CNKSR2: variants seen among roughly 807,000 people sequenced by gnomAD.
The protein encoded by CNKSR2 is connector enhancer of kinase suppressor of Ras 2, also known as CNK homolog protein 2.
A neutral mutation model predicts 84.4 loss-of-function variants in CNKSR2; 14 were observed. That is an observed-to-expected ratio of 0.17 (90% CI 0.11 to 0.26). The LOEUF (loss-of-function observed/expected upper bound fraction) is 0.26. CNKSR2 is among the 10% of genes least tolerant of loss of function. The pLI is 1.00. For synonymous variants in CNKSR2, 275 were observed against 277.9 expected, an observed-to-expected ratio of 0.99 and a Z score of 0.10; for missense variants, 485 against 771.2, an observed-to-expected ratio of 0.63 and a Z score of 4.40.
chrX:21,403,502 T>G (rs2146992430), intron 1 of CNKSR2, among the ~76,000 whole-genome samples: 1 of 111,683 alleles, frequency 9.0e-6, no homozygotes, highest in African/African-American at 3.2e-5. Context: ...GAAAGTATGT[T>G]AAATTCTACT....
At chrX:21,375,411 T>G (rs755253430) in intron 1 of CNKSR2, among the ~76,000 whole-genome samples, 1 of 112,152 alleles carries the variant, frequency 8.9e-6, no homozygotes, top group South Asian at 3.7e-4. Flanking sequence ...GCCAGGTGCC[T>G]TCCCCAGCGC....
rs188206821 is a variant in CNKSR2 at position 21,393,943 on chromosome X, T to G, written c.64+18982T>G. On this transcript the variant is annotated intron_variant, in intron 1 of 21. Transcript: ENST00000379510. ...TAGATTTCATACAGATGAATAAAAT[T>G]AAAGGGACAAATACTAGTAGGAAGC... Among the ~76,000 whole-genome samples, 15 of 112,140 alleles carry G rather than the reference T, an allele frequency of 1.3e-4. No homozygotes were observed. The East Asian group carries it at 2.5e-3, about 19-fold the overall frequency.
intron 11 of CNKSR2, among the ~76,000 whole-genome samples, chrX:21,558,532 A>G (rs1361090210): frequency 9.2e-6 from 1 of 108,269 alleles, no homozygotes; most frequent in African/African-American, 3.3e-5. Context: ...GTGTATTAGT[A>G]ATATACAGTA....
chrX:21,403,933 A>G (rs894156614), intron 1 of CNKSR2, among the ~76,000 whole-genome samples: 1 of 112,229 alleles, frequency 8.9e-6, no homozygotes, highest in Non-Finnish European at 1.9e-5. Context: ...AGTACATTTT[A>G]AGTAACTACT....
At chrX:21,570,316 T>G (rs931299071) in intron 13 of CNKSR2, among the ~76,000 whole-genome samples, 2 of 112,812 alleles carry the variant, frequency 1.8e-5, no homozygotes, top group Non-Finnish European at 3.7e-5. Flanking sequence ...ACCTTGCACT[T>G]TTTTTGTTAT....
chrX:21,473,031 A>G (rs975155373), intron 5 of CNKSR2, among the ~76,000 whole-genome samples: 1 of 111,698 alleles, frequency 9.0e-6, no homozygotes, highest in Non-Finnish European at 1.9e-5. Context: ...TAAATTCCTA[A>G]TAATTGACTC....
intron 1 of CNKSR2, among the ~76,000 whole-genome samples, chrX:21,414,642 A>G (rs1174115409): frequency 8.9e-6 from 1 of 111,741 alleles, no homozygotes; most frequent in Non-Finnish European, 1.9e-5. Context: ...TGCCAAGACC[A>G]GTGTCCTGGA....
chrX:21,512,645 G>A (rs1343569056), intron 8 of CNKSR2, among the ~76,000 whole-genome samples: 3 of 111,465 alleles, frequency 2.7e-5, no homozygotes, highest in African/African-American at 9.8e-5. Context: ...GCAGTGAGAA[G>A]AGGCATTAGT....
chrX:21,549,561 A>G, intron 11 of CNKSR2, among the ~76,000 whole-genome samples: 1 of 112,176 alleles, frequency 8.9e-6, no homozygotes. Context: ...TTAGAAAAAA[A>G]CTACTTTAGA....
intron 8 of CNKSR2, among the ~76,000 whole-genome samples, chrX:21,515,053 C>A (rs1361247855): frequency 9.1e-6 from 1 of 110,052 alleles, no homozygotes. Context: ...AAAAAAAAAA[C>A]TGGCAGTCTC....
chrX:21,485,197 A>G (rs1016628153), intron 5 of CNKSR2, among the ~76,000 whole-genome samples: 1 of 111,561 alleles, frequency 9.0e-6, no homozygotes, highest in African/African-American at 3.3e-5. Context: ...AATAATAATA[A>G]TAACAATAGT....
intron 1 of CNKSR2, among the ~76,000 whole-genome samples, chrX:21,383,512 A>G (rs2089927368): frequency 8.9e-6 from 1 of 112,336 alleles, no homozygotes; most frequent in Non-Finnish European, 1.9e-5. Flanking sequence ...CATGATAAAA[A>G]TATTGTTACA....
intron 8 of CNKSR2, 27 bp from the exon 9 acceptor site, chrX:21,516,458 T>C (rs1452439671): frequency 8.4e-7 from 1 of 1,196,832 alleles, no homozygotes; most frequent in Admixed American, 2.3e-5. Context: ...ACCTCAATTT[T>C]ATTGTAATGA....
At chrX:21,430,442 A>G (rs2090620287) in intron 2 of CNKSR2, among the ~76,000 whole-genome samples, 1 of 111,666 alleles carries the variant, frequency 9.0e-6, no homozygotes, top group African/African-American at 3.2e-5. Flanking sequence ...ATTTAAAATA[A>G]TCTTTTATGG....
At chrX:21,429,927 A>C (rs1211240599) in intron 2 of CNKSR2, among the ~76,000 whole-genome samples, 1 of 111,903 alleles carries the variant, frequency 8.9e-6, no homozygotes, top group Non-Finnish European at 1.9e-5. Flanking sequence ...AATTTTAAAA[A>C]TTAAAAAGTT....
At chrX:21,441,442 G>A (rs897016228) in intron 4 of CNKSR2, 14 of 110,727 alleles carry the variant, frequency 1.3e-4, no homozygotes, top group Non-Finnish European at 2.7e-4. Flanking sequence ...GAAACTATGG[G>A]TGATTTTATT....
intron 1 of CNKSR2, among the ~76,000 whole-genome samples, chrX:21,400,440 A>G (rs1321481297): frequency 9.0e-6 from 1 of 111,187 alleles, no homozygotes; most frequent in Non-Finnish European, 1.9e-5. Flanking sequence ...ATATTTTATT[A>G]GGACTTAGCA....
chrX:21,621,559 A>G (rs1481156646), intron 20 of CNKSR2, among the ~76,000 whole-genome samples: 1 of 111,521 alleles, frequency 9.0e-6, no homozygotes, highest in Non-Finnish European at 1.9e-5. Context: ...AAAACATTTT[A>G]AGGAAGAAAA....
In CNKSR2 at chrX:21,374,787, C is replaced by T; in HGVS notation, c.-111C>T. 1 of 675,832 alleles carries T rather than the reference C, an allele frequency of 1.5e-6. No homozygotes were observed. The highest frequency in any genetic ancestry group is 2.2e-5 in the South Asian group (1 of 44,805). The allele number at this position is 675,832 out of a possible 1,213,427, so 55.7% of individuals were successfully genotyped here. Reference sequence around the variant, plus strand: ...CACAAAAGCCGCTTTCTCCGCGCCGCCCGCCCAGGGAGGCTGCGGCCAGCA... The same window carrying T: ...CACAAAAGCCGCTTTCTCCGCGCCGTCCGCCCAGGGAGGCTGCGGCCAGCA... On this transcript the variant is annotated 5_prime_UTR_variant, in exon 1 of 22. Transcript: ENST00000379510.
Sources: gnomAD v4.1 joint callset for allele counts (sites outside exome capture counted in the v4.1 genomes callset) on GRCh38, gnomAD v4.1.1 for gene constraint, MANE v1.5 for transcripts, NCBI Gene and HGNC (gene_info 2026-07-23, HGNC 2026-07-21) for gene names.